Variants in ANO5 observed in about 807,000 individuals in gnomAD.
ANO5 encodes anoctamin-5.
ANO5 carries 109 observed loss-of-function variants against 121.0 expected under a neutral mutation model. The ratio of observed to expected loss-of-function variants is 0.90; its 90% confidence interval spans 0.77 to 1.06. The LOEUF (loss-of-function observed/expected upper bound fraction) is 1.06. Among genes scored for constraint, ANO5 ranks in the 50% least tolerant of loss-of-function variants. ANO5 has a pLI of 0.00. For missense variants in ANO5, 1,064 were observed against 1,078.5 expected (o/e 0.99, Z 0.19); for synonymous variants, 406 against 359.9 (o/e 1.13, Z -1.45).
chr11:22,231,648 C>T (rs1267879862), intron 7 of ANO5, among the ~76,000 whole-genome samples: 1 of 151,882 alleles, frequency 6.6e-6, no homozygotes, highest in African/African-American at 2.4e-5. Flanking sequence ...TTATAAACAA[C>T]TCAGTTTGCA....
At chr11:22,214,856 G>A (rs986858416) in intron 3 of ANO5, among the ~76,000 whole-genome samples, 4 of 151,714 alleles carry the variant, frequency 2.6e-5, no homozygotes, top group Non-Finnish European at 4.4e-5. Flanking sequence ...GGAGTCTTGC[G>A]GTTCCTACTG....
At chr11:22,271,207 C>A (rs1854599967) in intron 18 of ANO5, among the ~76,000 whole-genome samples, 1 of 152,134 alleles carries the variant, frequency 6.6e-6, no homozygotes. Context: ...AGGTGCGTGC[C>A]ATCACGCCCG....
intron 12 of ANO5, among the ~76,000 whole-genome samples, chr11:22,253,827 A>T (rs1437904862): frequency 6.6e-6 from 1 of 152,120 alleles, no homozygotes; most frequent in Admixed American, 6.6e-5. Context: ...TGACTGGAGG[A>T]GTTATATGAG....
Position 22,262,072 on chromosome 11 carries a change from C to A in ANO5, c.1631-57C>A, listed in dbSNP as rs550422627. 13 of 1,557,114 alleles carry A rather than the reference C, an allele frequency of 8.3e-6. No homozygotes were observed. The East Asian group carries it at 2.5e-4, about 30-fold the overall frequency. On this transcript the variant is annotated intron_variant, in intron 15 of 21. Transcript: ENST00000324559. ...AGATGTTCACTTGTCCTAGGGAGTA[C>A]GAAGTTCAAGGAAAAAAATAAGAAG...
At chr11:22,195,662 G>T (rs891322685) in intron 1 of ANO5, among the ~76,000 whole-genome samples, 1 of 152,030 alleles carries the variant, frequency 6.6e-6, no homozygotes, top group African/African-American at 2.4e-5. Context: ...GAACTCCACA[G>T]CTCAGCTGAT....
intron 1 of ANO5, among the ~76,000 whole-genome samples, chr11:22,196,231 A>G (rs1851806199): frequency 6.6e-6 from 1 of 152,190 alleles, no homozygotes; most frequent in African/African-American, 2.4e-5. Flanking sequence ...CTGCCTCTTA[A>G]CATGTTGGAA....
intron 8 of ANO5, among the ~76,000 whole-genome samples, chr11:22,237,111 T>A (rs1253775073): frequency 6.6e-6 from 1 of 152,182 alleles, no homozygotes; most frequent in Non-Finnish European, 1.5e-5. Flanking sequence ...TTTGAGATCA[T>A]CCCTTGGAAT....
chr11:22,262,873 G>T, intron 16 of ANO5, 73 bp from the exon 17 acceptor site: 1 of 1,138,494 alleles, frequency 8.8e-7, no homozygotes, highest in Non-Finnish European at 1.3e-6. Flanking sequence ...ATAGTTTAGG[G>T]TTTCCTTTAG....
chr11:22,218,793 G>C (rs962550270), intron 4 of ANO5, among the ~76,000 whole-genome samples: 4 of 151,916 alleles, frequency 2.6e-5, no homozygotes, highest in Non-Finnish European at 5.9e-5. Flanking sequence ...GAACTCCTGA[G>C]CTCAAGCAAT....
rs372200356 is a variant in ANO5 at position 22,211,359 on chromosome 11, G to A, written c.138+45G>A. The A allele has an allele frequency of 5.7e-4, 907 of 1,579,620 alleles. 6 individuals are homozygous for A. The highest frequency in any genetic ancestry group is 4.1e-3 in the South Asian group (374 of 90,392). ...ATCCTTTCTTGCATGGACACAAATG[G>A]GGCATCTTTTTGTAGTCTGCAATGA... is the stretch of plus-strand genomic sequence containing the variant. On this transcript the variant is annotated intron_variant, in intron 3 of 21. Transcript: ENST00000324559.
At chr11:22,249,731 C>T (rs1442410225) in intron 9 of ANO5, among the ~76,000 whole-genome samples, 1 of 152,010 alleles carries the variant, frequency 6.6e-6, no homozygotes, top group Non-Finnish European at 1.5e-5. Context: ...CTGTAAACAT[C>T]CAAGATTCAA....
At chr11:22,198,563 T>C (rs552963722) in intron 1 of ANO5, among the ~76,000 whole-genome samples, 9 of 152,298 alleles carry the variant, frequency 5.9e-5, no homozygotes, top group African/African-American at 1.9e-4. Context: ...ACTTGTTTTA[T>C]GTTAAATGGA....
At chr11:22,224,988 A>G (rs1852776161) in intron 5 of ANO5, among the ~76,000 whole-genome samples, 1 of 152,054 alleles carries the variant, frequency 6.6e-6, no homozygotes, top group Admixed American at 6.6e-5. Context: ...GGTGGCTACC[A>G]GAAGCCAGGA....
At chr11:22,210,369 G>T (rs760828943) in intron 2 of ANO5, among the ~76,000 whole-genome samples, 1 of 151,782 alleles carries the variant, frequency 6.6e-6, no homozygotes, top group Non-Finnish European at 1.5e-5. Context: ...ATATTTCCAA[G>T]GTGCTCTTTG....
At chr11:22,230,463 T>C (rs1853002518) in intron 7 of ANO5, among the ~76,000 whole-genome samples, 1 of 152,102 alleles carries the variant, frequency 6.6e-6, no homozygotes, top group Non-Finnish European at 1.5e-5. Flanking sequence ...CTGGATTTTA[T>C]ACATTCTAAG....
intron 1 of ANO5, among the ~76,000 whole-genome samples, chr11:22,194,778 T>C (rs992529615): frequency 3.9e-5 from 6 of 152,244 alleles, no homozygotes; most frequent in East Asian, 1.9e-4. Flanking sequence ...GCATCATTCT[T>C]ATTAATTGCC....
intron 3 of ANO5, among the ~76,000 whole-genome samples, chr11:22,217,223 A>G (rs77451685): frequency 1.3e-5 from 2 of 151,998 alleles, no homozygotes; most frequent in Non-Finnish European, 2.9e-5. Context: ...TGGATTATTT[A>G]TCCATGCATT....
intron 9 of ANO5, among the ~76,000 whole-genome samples, chr11:22,242,032 A>G (rs1853449699): frequency 6.6e-6 from 1 of 152,150 alleles, no homozygotes; most frequent in South Asian, 2.1e-4. Flanking sequence ...TCTTACATTT[A>G]AAACTTTATT....
intron 1 of ANO5, among the ~76,000 whole-genome samples, chr11:22,201,935 A>G (rs1851977230): frequency 6.6e-6 from 1 of 152,116 alleles, no homozygotes; most frequent in South Asian, 2.1e-4. Flanking sequence ...CAGAGGAATA[A>G]TTGTGTGTTA....
Sources: gnomAD v4.1 joint callset for allele counts (sites outside exome capture counted in the v4.1 genomes callset) on GRCh38, gnomAD v4.1.1 for gene constraint, MANE v1.5 for transcripts, NCBI Gene and HGNC (gene_info 2026-07-23, HGNC 2026-07-21) for gene names.